TBCA: variants seen among roughly 807,000 people sequenced by gnomAD.
TBCA encodes tubulin-specific chaperone A.
Under a neutral mutation model 15.8 loss-of-function variants are expected in TBCA, and 6 were observed. That is an observed-to-expected ratio of 0.38 (90% CI 0.21 to 0.75). The LOEUF (loss-of-function observed/expected upper bound fraction) is 0.75, where lower values mean the gene tolerates loss of function less well. Among genes scored for constraint, TBCA ranks in the 30% least tolerant of loss-of-function variants. TBCA has a pLI of 0.46. For synonymous variants in TBCA, 32 were observed against 42.3 expected (o/e 0.76, Z 0.94); for missense variants, 90 against 131.2 (o/e 0.69, Z 1.53).
chr5:77,766,011 C>T (rs184546908), intron 1 of TBCA, among the ~76,000 whole-genome samples: 2 of 152,054 alleles, frequency 1.3e-5, no homozygotes, highest in East Asian at 3.9e-4. Context: ...CATAACTTAA[C>T]AATGTACAAA....
intron 1 of TBCA, among the ~76,000 whole-genome samples, chr5:77,745,974 G>T (rs140422401): frequency 2.0e-5 from 3 of 152,266 alleles, no homozygotes; most frequent in Admixed American, 6.5e-5. Flanking sequence ...CTTGCTGTTG[G>T]GTAAAGGATT....
intron 1 of TBCA, among the ~76,000 whole-genome samples, chr5:77,770,589 A>C (rs75713237): frequency 7.4e-5 from 11 of 147,980 alleles, no homozygotes; most frequent in Non-Finnish European, 1.0e-4. Flanking sequence ...CAAAAAAAAA[A>C]CAGAGTGTTC....
At chr5:77,695,743 C>A (rs1476877484) in intron 2 of TBCA, among the ~76,000 whole-genome samples, 1 of 152,146 alleles carries the variant, frequency 6.6e-6, no homozygotes, top group Non-Finnish European at 1.5e-5. Flanking sequence ...ATATCTGAGT[C>A]AATTGTCAGT....
intron 1 of TBCA, among the ~76,000 whole-genome samples, chr5:77,725,367 C>T (rs1048192465): frequency 1.3e-5 from 2 of 152,128 alleles, no homozygotes; most frequent in Non-Finnish European, 2.9e-5. Context: ...TAATTTGGAC[C>T]AAGTCAGGTG....
chr5:77,714,671 A>T (rs1379541277), intron 1 of TBCA, among the ~76,000 whole-genome samples: 1 of 151,598 alleles, frequency 6.6e-6, no homozygotes, highest in Non-Finnish European at 1.5e-5. Flanking sequence ...GGTTCATGCC[A>T]TTCTCCTGCC....
At chr5:77,721,810 T>C (rs1387112098) in intron 1 of TBCA, among the ~76,000 whole-genome samples, 1 of 152,064 alleles carries the variant, frequency 6.6e-6, no homozygotes, top group Non-Finnish European at 1.5e-5. Flanking sequence ...AAAAAGTCTA[T>C]TCTGTATCAA....
chr5:77,716,848 A>C (rs1746408966), intron 1 of TBCA, among the ~76,000 whole-genome samples: 1 of 152,212 alleles, frequency 6.6e-6, no homozygotes, highest in Admixed American at 6.5e-5. Flanking sequence ...ATCAGCCAAG[A>C]AGTCATGCCC....
chr5:77,723,252 C>T (rs1172409499), intron 1 of TBCA, among the ~76,000 whole-genome samples: 1 of 151,450 alleles, frequency 6.6e-6, no homozygotes, highest in Non-Finnish European at 1.5e-5. Context: ...AGCTACAAAT[C>T]TTATAAAGTA....
At chr5:77,771,783 G>A (rs1290687465) in intron 1 of TBCA, among the ~76,000 whole-genome samples, 2 of 152,174 alleles carry the variant, frequency 1.3e-5, no homozygotes, top group African/African-American at 4.8e-5. Flanking sequence ...GAACTTCTGA[G>A]TCACCTGAAG....
At chr5:77,697,327 AGT>A (rs1255227139) in intron 2 of TBCA, among the ~76,000 whole-genome samples, 2 of 152,254 alleles carry the variant, frequency 1.3e-5, no homozygotes, top group African/African-American at 2.4e-5. Flanking sequence ...ATACTTTTCA[AGT>A]GCCCATGAAA....
intron 2 of TBCA, among the ~76,000 whole-genome samples, chr5:77,701,406 A>T (rs1196822321): frequency 6.6e-6 from 1 of 151,998 alleles, no homozygotes; most frequent in Admixed American, 6.6e-5. Context: ...AAAATAAAAA[A>T]ATAATAGATG....
intron 1 of TBCA, among the ~76,000 whole-genome samples, chr5:77,774,018 T>C (rs1747967014): frequency 4.6e-5 from 7 of 152,162 alleles, no homozygotes. Context: ...ACCCCTCCTC[T>C]CAACTAAGGG....
At chr5:77,701,858 T>C (rs974439473) in intron 2 of TBCA, among the ~76,000 whole-genome samples, 3 of 151,076 alleles carry the variant, frequency 2.0e-5, no homozygotes, top group Non-Finnish European at 4.4e-5. Context: ...ACCTCAGCCA[T>C]AAAAAGGAAT....
At chr5:77,716,736 T>C (rs966895610) in intron 1 of TBCA, among the ~76,000 whole-genome samples, 2 of 152,286 alleles carry the variant, frequency 1.3e-5, no homozygotes, top group Middle Eastern at 3.4e-3. Flanking sequence ...CATTTGAACA[T>C]AAAAGTCTAA....
chr5:77,736,131 G>C (rs183516163), intron 1 of TBCA, among the ~76,000 whole-genome samples: 1 of 152,066 alleles, frequency 6.6e-6, no homozygotes, highest in Admixed American at 6.5e-5. Flanking sequence ...TTAGGAGATC[G>C]AGACCATCCT....
At chr5:77,725,510 T>C (rs968426160) in intron 1 of TBCA, among the ~76,000 whole-genome samples, 2 of 152,198 alleles carry the variant, frequency 1.3e-5, no homozygotes, top group Admixed American at 6.6e-5. Context: ...TATAATAGAG[T>C]TTGAAAATAT....
chr5:77,751,479 GCCTGA>G (rs2112493771), intron 1 of TBCA, among the ~76,000 whole-genome samples: 1 of 152,092 alleles, frequency 6.6e-6, no homozygotes, highest in South Asian at 2.1e-4. Flanking sequence ...GCGCCGGCCA[GCCTGA>G]CCAGTCTTTC....
At chr5:77,752,681 CCCGAGT>C (rs1312524185) in intron 1 of TBCA, among the ~76,000 whole-genome samples, 1 of 115,862 alleles carries the variant, frequency 8.6e-6, no homozygotes, top group Non-Finnish European at 1.9e-5. Flanking sequence ...GCCTCAGCCT[CCCGAGT>C]AGCTGGGACT....
chr5:77,757,697 G>A (rs35226619), intron 1 of TBCA, among the ~76,000 whole-genome samples: 16,243 of 152,168 alleles, frequency 0.11, 937 homozygotes, highest in Middle Eastern at 0.13. Context: ...AATCCCTCCC[G>A]TGGTTACCAA....
Sources: allele counts gnomAD v4.1 joint callset (sites outside exome capture counted in the v4.1 genomes callset), GRCh38; gene constraint gnomAD v4.1.1; transcripts MANE v1.5; gene names NCBI Gene and HGNC (gene_info 2026-07-23, HGNC 2026-07-21).